The following PDZD2 variants were observed in gnomAD, a reference collection of about 807,000 sequenced individuals.
PDZD2 encodes the protein PDZ domain containing 2, also known as PDZ domain-containing protein 2.
PDZD2 carries 90 observed loss-of-function variants against 220.7 expected under a neutral mutation model. The observed-to-expected ratio is 0.41, with a 90% CI of 0.34 to 0.49. PDZD2 has a LOEUF of 0.49. Ranked by LOEUF, PDZD2 falls within the 20% of genes least tolerant of loss-of-function variation. PDZD2 has a pLI of 0.28. For missense variants in PDZD2, 3,174 were observed against 3,608.5 expected (o/e 0.88, Z 3.08); for synonymous variants, 1,375 against 1,450.5 (o/e 0.95, Z 1.18).
chr5:31,904,910 A>T (rs1325629114), intron 2 of PDZD2, among the ~76,000 whole-genome samples: 2 of 152,120 alleles, frequency 1.3e-5, no homozygotes, highest in Non-Finnish European at 2.9e-5. Flanking sequence ...ATTCGCCTAT[A>T]AAATTATGCA....
intron 2 of PDZD2, among the ~76,000 whole-genome samples, chr5:31,921,236 A>AT (rs1397019245): frequency 1.3e-5 from 2 of 152,166 alleles, no homozygotes; most frequent in East Asian, 3.8e-4. Context: ...TTGGTTGGGA[A>AT]TTTGAATCCC....
chr5:31,765,664 G>A (rs1751956138), intron 1 of PDZD2, among the ~76,000 whole-genome samples: 1 of 152,124 alleles, frequency 6.6e-6, no homozygotes, highest in Admixed American at 6.5e-5. Context: ...CCCTGAGGCC[G>A]GAAGACATCA....
intron 1 of PDZD2, among the ~76,000 whole-genome samples, chr5:31,770,602 T>C (rs1752284465): frequency 6.6e-6 from 1 of 152,162 alleles, no homozygotes; most frequent in Non-Finnish European, 1.5e-5. Context: ...CTAATTCCGT[T>C]GGTCTTTAGG....
At chr5:31,885,993 G>A (rs1282786499) in intron 2 of PDZD2, among the ~76,000 whole-genome samples, 2 of 151,654 alleles carry the variant, frequency 1.3e-5, no homozygotes, top group African/African-American at 2.4e-5. Flanking sequence ...TCTGCCTCCC[G>A]GGTTCAAGTG....
chr5:31,703,278 A>T (rs1393523540), intron 1 of PDZD2, among the ~76,000 whole-genome samples: 1 of 152,238 alleles, frequency 6.6e-6, no homozygotes, highest in Non-Finnish European at 1.5e-5. Flanking sequence ...CATATACACC[A>T]TAGAATACTA....
chr5:31,753,661 C>T (rs376238410), intron 1 of PDZD2, among the ~76,000 whole-genome samples: 9 of 152,126 alleles, frequency 5.9e-5, no homozygotes, highest in African/African-American at 1.9e-4. Flanking sequence ...CCAGATAACC[C>T]ACAGTATTGC....
At chr5:31,724,602 C>CAAAA (rs35523154) in intron 1 of PDZD2, among the ~76,000 whole-genome samples, 3 of 61,006 alleles carry the variant, frequency 4.9e-5, no homozygotes, top group African/African-American at 6.6e-5. Flanking sequence ...AATTCCGTCT[C>CAAAA]AAAAAAAAAA....
At chr5:31,759,803 C>T (rs989429520) in intron 1 of PDZD2, among the ~76,000 whole-genome samples, 13 of 152,086 alleles carry the variant, frequency 8.5e-5, no homozygotes, top group Admixed American at 8.5e-4. Flanking sequence ...CCTCGGCCTC[C>T]CAAAGCGTTG....
intron 2 of PDZD2, chr5:31,847,772 G>A (rs1757671808): frequency 3.4e-6 from 2 of 586,436 alleles, no homozygotes; most frequent in Non-Finnish European, 3.3e-6. Flanking sequence ...GTGAATGGAG[G>A]CTTGTCTATC....
In PDZD2 at chr5:32,087,544, G is replaced by A; in HGVS notation, c.4096G>A (p.Gly1366Arg). The change falls in exon 20 of 25, where the codon GGA becomes AGA. Residue 1366 changes from glycine to arginine, a missense_variant. Physicochemically the swap from Gly to Arg is moderately radical, Grantham distance 125. Transcript: ENST00000438447. This position sits in a 1 kb window ranked among gnomAD's most constrained non-coding sequence, Gnocchi z 4.0. ...GNHSKALEMTGIHAPESSQEP... is the reference protein window; with the variant it reads ...GNHSKALEMTRIHAPESSQEP... ...CCACAGTAAGGCTCTGGAAATGACA[G>A]GAATCCATGCACCTGAAAGCTCCCA... 6.2e-7 allele frequency: 1 copy of A among 1,613,724 alleles called. No individual in the cohort carries two copies. The highest frequency in any genetic ancestry group is 1.7e-5 in the Admixed American group (1 of 59,976).
intron 1 of PDZD2, among the ~76,000 whole-genome samples, chr5:31,750,285 C>A (rs1750873037): frequency 1.3e-5 from 2 of 152,198 alleles, no homozygotes; most frequent in African/African-American, 4.8e-5. Context: ...ATTGTGTCCC[C>A]CAGCTCCCTC....
intron 13 of PDZD2, among the ~76,000 whole-genome samples, chr5:32,060,679 C>T (rs904120492): frequency 6.6e-6 from 1 of 152,088 alleles, no homozygotes; most frequent in African/African-American, 2.4e-5. Context: ...CTTTGTTATA[C>T]AGCATGCTTT....
intron 1 of PDZD2, among the ~76,000 whole-genome samples, chr5:31,710,958 G>A (rs190329683): frequency 1.3e-5 from 2 of 152,244 alleles, no homozygotes; most frequent in African/African-American, 4.8e-5. Context: ...AAACGTACAT[G>A]TTGTAAAAAG....
In PDZD2 at chr5:32,011,784, A is replaced by G. The variant is rs1435267483; in HGVS notation, c.1407+1302A>G. Among the ~76,000 whole-genome samples, 3 of 152,280 alleles carry G rather than the reference A, an allele frequency of 2.0e-5. No homozygotes were observed. In the South Asian group the frequency reaches 6.2e-4, roughly 32 times the overall value. ...CAGTAAGCTATATTTAAAGGGGGAAAAGTTGCTTTTCGTCTTCCTTTTTGT... is the reference window on the plus strand; with the variant it reads ...CAGTAAGCTATATTTAAAGGGGGAAGAGTTGCTTTTCGTCTTCCTTTTTGT... On this transcript the variant is annotated intron_variant, in intron 6 of 24. Coordinates refer to ENST00000438447, the MANE Select transcript of PDZD2 (RefSeq NM_178140.4).
chr5:31,932,083 C>T (rs750645592), intron 2 of PDZD2, among the ~76,000 whole-genome samples: 1 of 152,170 alleles, frequency 6.6e-6, no homozygotes, highest in Non-Finnish European at 1.5e-5. Context: ...TGTTTGCTTT[C>T]ATAACTTTCT....
At chr5:31,697,527 G>C (rs1747425254) in intron 1 of PDZD2, among the ~76,000 whole-genome samples, 1 of 152,192 alleles carries the variant, frequency 6.6e-6, no homozygotes, top group Non-Finnish European at 1.5e-5. Flanking sequence ...AAATCACCTG[G>C]AATCTTGCCC....
At chr5:31,844,201 T>C (rs1757471264) in intron 2 of PDZD2, among the ~76,000 whole-genome samples, 1 of 152,184 alleles carries the variant, frequency 6.6e-6, no homozygotes, top group South Asian at 2.1e-4. Flanking sequence ...AAACACTCAA[T>C]TGAATGGTAA....
chr5:31,838,898 T>C (rs1316350609), intron 2 of PDZD2, among the ~76,000 whole-genome samples: 1 of 152,192 alleles, frequency 6.6e-6, no homozygotes, highest in Non-Finnish European at 1.5e-5. Context: ...TTCATCTTCA[T>C]CATCTGAAGT....
At chr5:31,912,763 ATGTT>A (rs1743320654) in intron 2 of PDZD2, among the ~76,000 whole-genome samples, 1 of 152,178 alleles carries the variant, frequency 6.6e-6, no homozygotes, top group Admixed American at 6.5e-5. Flanking sequence ...TTCTGAAATT[ATGTT>A]TTGTTTTAGT....
Sources: allele counts gnomAD v4.1 joint callset (sites outside exome capture counted in the v4.1 genomes callset), GRCh38; gene constraint gnomAD v4.1.1; non-coding constraint Gnocchi (gnomAD v3.1); transcripts MANE v1.5; gene names NCBI Gene and HGNC (gene_info 2026-07-23, HGNC 2026-07-21).